GALNT13: variants seen among roughly 807,000 people sequenced by gnomAD.
GALNT13 encodes the protein polypeptide N-acetylgalactosaminyltransferase 13, also known as UDP-GalNAc:polypeptide N-acetylgalactosaminyltransferase 13.
A neutral mutation model predicts 64.2 loss-of-function variants in GALNT13; 28 were observed. The observed-to-expected ratio is 0.44, with a 90% CI of 0.32 to 0.60. The LOEUF (loss-of-function observed/expected upper bound fraction) is 0.60, where lower values mean the gene tolerates loss of function less well. Ranked by LOEUF, GALNT13 falls within the 20% of genes least tolerant of loss-of-function variation. The pLI is 0.05. For missense variants in GALNT13, 577 were observed against 669.8 expected, an observed-to-expected ratio of 0.86 and a Z score of 1.53; for synonymous variants, 214 against 224.6, an observed-to-expected ratio of 0.95 and a Z score of 0.42.
the GALNT13 span, among the ~76,000 whole-genome samples, chr2:153,853,659 A>T: frequency 7.3e-5 from 11 of 151,586 alleles, no homozygotes; most frequent in Admixed American, 5.9e-4. Context: ...AGTAATATAC[A>T]CTGTGTGATT....
At chr2:153,785,320 T>G in the GALNT13 span, among the ~76,000 whole-genome samples, 2 of 151,956 alleles carry the variant, frequency 1.3e-5, no homozygotes, top group Non-Finnish European at 2.9e-5. Flanking sequence ...CCCTGGGCAG[T>G]GGGTTCAGGT....
chr2:154,302,801 T>G (rs113994282), intron 9 of GALNT13, among the ~76,000 whole-genome samples: 8,250 of 152,112 alleles, frequency 0.054, 537 homozygotes, highest in Admixed American at 0.21. Flanking sequence ...GAAACCAAGG[T>G]TCTTATTATA....
At chr2:153,789,343 C>CT in the GALNT13 span, among the ~76,000 whole-genome samples, 1 of 151,876 alleles carries the variant, frequency 6.6e-6, no homozygotes, top group Non-Finnish European at 1.5e-5. Flanking sequence ...ATCCAGATGA[C>CT]TTTTTTTGGG....
chr2:153,991,795 A>G (rs1037691818), intron 3 of GALNT13, among the ~76,000 whole-genome samples: 1 of 152,148 alleles, frequency 6.6e-6, no homozygotes, highest in Non-Finnish European at 1.5e-5. Flanking sequence ...TAATTTTTTT[A>G]ACATCTATTT....
At chr2:153,672,807 C>T in the GALNT13 span, among the ~76,000 whole-genome samples, 1 of 149,620 alleles carries the variant, frequency 6.7e-6, no homozygotes, top group African/African-American at 2.5e-5. Flanking sequence ...AAATAGACCG[C>T]TAGCAAGACT....
chr2:153,212,653 T>A, the GALNT13 span, among the ~76,000 whole-genome samples: 1 of 152,156 alleles, frequency 6.6e-6, no homozygotes, highest in Non-Finnish European at 1.5e-5. Context: ...AAGTGAAAAA[T>A]TGTATGCTGT....
chr2:153,777,116 A>T, the GALNT13 span, among the ~76,000 whole-genome samples: 89 of 150,264 alleles, frequency 5.9e-4, no homozygotes, highest in African/African-American at 2.1e-3. Flanking sequence ...TACTGAAAAG[A>T]CATAGCTATA....
intron 1 of GALNT13, among the ~76,000 whole-genome samples, chr2:153,881,687 A>T (rs1259797511): frequency 6.6e-6 from 1 of 152,186 alleles, no homozygotes; most frequent in African/African-American, 2.4e-5. Flanking sequence ...AACTTCCACA[A>T]ATGTAAAATA....
the GALNT13 span, among the ~76,000 whole-genome samples, chr2:153,346,163 G>A: frequency 2.6e-5 from 4 of 152,046 alleles, no homozygotes; most frequent in East Asian, 1.9e-4. Flanking sequence ...AAGCTCCAGC[G>A]ATTTGCTCTC....
intron 2 of GALNT13, among the ~76,000 whole-genome samples, chr2:153,901,212 C>A (rs1688212811): frequency 2.0e-5 from 3 of 152,114 alleles, no homozygotes; most frequent in African/African-American, 7.2e-5. Context: ...CAGTGCCTTG[C>A]AGTTTTGGTT....
chr2:153,644,788 C>G, the GALNT13 span, among the ~76,000 whole-genome samples: 3 of 152,004 alleles, frequency 2.0e-5, no homozygotes, highest in African/African-American at 7.2e-5. Context: ...CATAAAAATT[C>G]TAGATTCAGA....
At chr2:154,332,900 G>A (rs150367004) in intron 9 of GALNT13, among the ~76,000 whole-genome samples, 238 of 151,194 alleles carry the variant, frequency 1.6e-3, no homozygotes, top group Non-Finnish European at 2.5e-3. Context: ...ATGTTTTGTC[G>A]TAGAAACACA....
At chr2:153,069,817 T>A in the GALNT13 span, among the ~76,000 whole-genome samples, 1 of 152,220 alleles carries the variant, frequency 6.6e-6, no homozygotes, top group Non-Finnish European at 1.5e-5. Flanking sequence ...GGCACATTTA[T>A]CTCCTTTATG....
the GALNT13 span, among the ~76,000 whole-genome samples, chr2:153,713,988 A>G: frequency 6.6e-6 from 1 of 152,258 alleles, no homozygotes; most frequent in African/African-American, 2.4e-5. Flanking sequence ...AGCAATGAAT[A>G]CTACATACTA....
intron 12 of GALNT13, chr2:154,445,846 T>C: frequency 7.8e-7 from 1 of 1,288,064 alleles, no homozygotes; most frequent in Non-Finnish European, 1.0e-6. Flanking sequence ...CTTCAAGATG[T>C]AGGTGGCCAT....
the GALNT13 span, among the ~76,000 whole-genome samples, chr2:153,120,005 TG>T: frequency 6.6e-6 from 1 of 152,228 alleles, no homozygotes; most frequent in Non-Finnish European, 1.5e-5. Context: ...GATTTCCTTC[TG>T]GGAGAACTCA....
chr2:154,286,920 C>T (rs1053504115), intron 8 of GALNT13: 26 of 495,046 alleles, frequency 5.3e-5, no homozygotes, highest in East Asian at 3.7e-4. Context: ...TCACCAGCAT[C>T]GGAGAGGACT....
chr2:153,381,982 T>C, the GALNT13 span, among the ~76,000 whole-genome samples: 1 of 152,040 alleles, frequency 6.6e-6, no homozygotes, highest in Non-Finnish European at 1.5e-5. Flanking sequence ...AATAATTCCA[T>C]ATAGCTAATG....
chr2:153,168,326 G>A, the GALNT13 span, among the ~76,000 whole-genome samples: 2 of 152,232 alleles, frequency 1.3e-5, no homozygotes, highest in African/African-American at 4.8e-5. Flanking sequence ...TTGACTTACC[G>A]TCACCTGAAT....
Sources: gnomAD v4.1 joint callset for allele counts (sites outside exome capture counted in the v4.1 genomes callset) on GRCh38, gnomAD v4.1.1 for gene constraint, MANE v1.5 for transcripts, NCBI Gene and HGNC (gene_info 2026-07-23, HGNC 2026-07-21) for gene names.